The following ADORA2B variants were observed in gnomAD, a reference collection of about 807,000 sequenced individuals.
ADORA2B encodes adenosine A2b receptor, also known as adenosine receptor A2b.
ADORA2B carries 18 observed loss-of-function variants against 20.8 expected under a neutral mutation model. The ratio of observed to expected loss-of-function variants is 0.87; its 90% CI spans 0.60 to 1.29. The LOEUF is 1.29. Among genes scored for constraint, ADORA2B ranks in the 50% most tolerant of loss-of-function variants. ADORA2B has a pLI of 0.00. For missense variants in ADORA2B, 441 were observed against 422.7 expected (o/e 1.04, Z -0.38); for synonymous variants, 179 against 178.3 (o/e 1.00, Z -0.03).
intron 1 of ADORA2B, among the ~76,000 whole-genome samples, chr17:15,971,943 A>G (rs1970192881): frequency 6.6e-6 from 1 of 152,154 alleles, no homozygotes; most frequent in Non-Finnish European, 1.5e-5. Context: ...TGTGATGGCC[A>G]TATTAAGAAC....
At chr17:15,944,051 A>G (rs1969767640), upstream of ADORA2B, among the ~76,000 whole-genome samples, 1 of 152,108 alleles carries the variant, frequency 6.6e-6, no homozygotes, top group South Asian at 2.1e-4. The surrounding 1 kb of genome is among the most constrained non-coding windows in gnomAD (Gnocchi z 4.8). Flanking sequence ...GGGTAAAAGG[A>G]AGCAAGTCTC....
chr17:15,853,649 T>A, the ADORA2B span, among the ~76,000 whole-genome samples: 1 of 152,214 alleles, frequency 6.6e-6, no homozygotes, highest in Non-Finnish European at 1.5e-5. Context: ...TGATAGTCTG[T>A]AATTTAAATA....
the ADORA2B span, among the ~76,000 whole-genome samples, chr17:15,881,137 TG>T: frequency 1.3e-5 from 2 of 152,220 alleles, no homozygotes; most frequent in Non-Finnish European, 2.9e-5. Flanking sequence ...AGTCTTTCTC[TG>T]TCGCCCAGGC....
At chr17:15,952,766 C>A (rs1257852279) in intron 1 of ADORA2B, among the ~76,000 whole-genome samples, 1 of 152,204 alleles carries the variant, frequency 6.6e-6, no homozygotes, top group South Asian at 2.1e-4. Context: ...TCTCCTCCCA[C>A]CTGCACCTTC....
chr17:15,871,060 A>G, the ADORA2B span, among the ~76,000 whole-genome samples: 3,730 of 152,302 alleles, frequency 0.024, 142 homozygotes, highest in African/African-American at 0.084. Context: ...TGTGGGAGAC[A>G]CAGTCCTCTC....
At chr17:15,945,760 C>G (rs948892982) in intron 1 of ADORA2B, among the ~76,000 whole-genome samples, 177 bp downstream of exon 1, 1 of 152,064 alleles carries the variant, frequency 6.6e-6, no homozygotes, top group Non-Finnish European at 1.5e-5. Flanking sequence ...CCAGTGCGCC[C>G]GGGCACCCAA....
At chr17:15,922,301 A>G in the ADORA2B span, among the ~76,000 whole-genome samples, 4 of 152,154 alleles carry the variant, frequency 2.6e-5, no homozygotes, top group Non-Finnish European at 4.4e-5. Flanking sequence ...TTAGCATGCT[A>G]TGCATTTTAT....
At chr17:15,963,630 G>C (rs932885054) in intron 1 of ADORA2B, among the ~76,000 whole-genome samples, 1 of 152,146 alleles carries the variant, frequency 6.6e-6, no homozygotes, top group African/African-American at 2.4e-5. Context: ...GGCTGTCTCT[G>C]TGTCCCATGT....
chr17:15,917,917 G>C, the ADORA2B span, among the ~76,000 whole-genome samples: 1 of 152,226 alleles, frequency 6.6e-6, no homozygotes, highest in Admixed American at 6.5e-5. Flanking sequence ...CCCGCCTCCT[G>C]CCGCTGTCCC....
intron 1 of ADORA2B, among the ~76,000 whole-genome samples, chr17:15,959,089 GGA>G (rs1185109303): frequency 5.9e-5 from 9 of 152,286 alleles, no homozygotes; most frequent in African/African-American, 2.2e-4. Flanking sequence ...TGTCCTGAGA[GGA>G]GAGATAGGAG....
the ADORA2B span, among the ~76,000 whole-genome samples, chr17:15,862,694 A>C: frequency 1.3e-5 from 2 of 152,114 alleles, no homozygotes; most frequent in South Asian, 4.1e-4. Context: ...ATTGTGCAAC[A>C]CACATAACAT....
chr17:15,936,520 A>G, the ADORA2B span, among the ~76,000 whole-genome samples: 1 of 151,708 alleles, frequency 6.6e-6, no homozygotes, highest in South Asian at 2.1e-4. Flanking sequence ...GGATTTCACC[A>G]TGTTGGTTAG....
chr17:15,902,171 CA>C, the ADORA2B span, among the ~76,000 whole-genome samples: 164 of 151,644 alleles, frequency 1.1e-3, no homozygotes, highest in Non-Finnish European at 2.1e-3. Flanking sequence ...ATAATGTTTT[CA>C]AAGTTCATCC....
intron 1 of ADORA2B, among the ~76,000 whole-genome samples, chr17:15,958,366 T>A (rs969158802): frequency 6.6e-6 from 1 of 152,188 alleles, no homozygotes; most frequent in African/African-American, 2.4e-5. Flanking sequence ...TTAGGCCCCA[T>A]CTCCACGTCT....
upstream of ADORA2B, among the ~76,000 whole-genome samples, chr17:15,943,875 C>A (rs1969766234): frequency 6.6e-6 from 1 of 152,176 alleles, no homozygotes; most frequent in Non-Finnish European, 1.5e-5. Context: ...CCTTACCCAT[C>A]CTCTTTGGTG....
chr17:15,853,754 C>T, the ADORA2B span, among the ~76,000 whole-genome samples: 1 of 152,176 alleles, frequency 6.6e-6, no homozygotes, highest in Non-Finnish European at 1.5e-5. Context: ...TATATATATT[C>T]ATACAGAGAC....
chr17:15,869,654 G>C, the ADORA2B span, among the ~76,000 whole-genome samples: 1 of 152,170 alleles, frequency 6.6e-6, no homozygotes, highest in Admixed American at 6.5e-5. Flanking sequence ...GAATGGACCT[G>C]AGGGGCCTCT....
upstream of ADORA2B, among the ~76,000 whole-genome samples, chr17:15,943,474 C>T (rs978261412): frequency 2.6e-5 from 4 of 152,164 alleles, no homozygotes; most frequent in African/African-American, 9.7e-5. Flanking sequence ...CTACAGGCAC[C>T]TGCCACCGTG....
At chr17:15,907,655 C>T in the ADORA2B span, among the ~76,000 whole-genome samples, 1 of 152,130 alleles carries the variant, frequency 6.6e-6, no homozygotes, top group African/African-American at 2.4e-5. Flanking sequence ...AGCAAAAAAT[C>T]ACCAAACTGA....
Sources: allele counts gnomAD v4.1 joint callset (sites outside exome capture counted in the v4.1 genomes callset), GRCh38; gene constraint gnomAD v4.1.1; non-coding constraint Gnocchi (gnomAD v3.1); transcripts MANE v1.5; gene names NCBI Gene and HGNC (gene_info 2026-07-23, HGNC 2026-07-21).